The following CARD14 variants were observed in gnomAD, a reference collection of about 807,000 sequenced individuals.
CARD14 encodes the protein caspase recruitment domain family member 14, also known as caspase recruitment domain-containing protein 14.
CARD14 carries 107 observed loss-of-function variants against 111.5 expected under a neutral mutation model. The observed-to-expected ratio is 0.96, with a 90% confidence interval of 0.82 to 1.13. The LOEUF is 1.13. CARD14 is among the 50% of genes most tolerant of loss of function. CARD14 has a pLI of 0.00. For synonymous variants in CARD14, 617 were observed against 579.6 expected, an observed-to-expected ratio of 1.06 and a Z score of -0.93; for missense variants, 1,322 against 1,362.3, an observed-to-expected ratio of 0.97 and a Z score of 0.47.
Position 80,198,158 on chromosome 17 carries a change from G to A in CARD14, c.1654G>A (p.Glu552Lys). The change falls in exon 15 of 24, where the codon GAG becomes AAG. Residue 552 changes from glutamate to lysine, a missense_variant. Transcript: ENST00000648509. The surrounding 1 kb of genome is among the most constrained non-coding windows in gnomAD (Gnocchi z 7.5). The part of the protein sequence containing the change: ...PVSPGRLDVS[E>K]SGVLMRRRPA... Reference sequence around the variant, plus strand: ...CTCCCCTGGAAGGCTTGATGTCTCGGAGAGGTAAGCAGCAGGTGGGAATCC... The same window carrying A: ...CTCCCCTGGAAGGCTTGATGTCTCGAAGAGGTAAGCAGCAGGTGGGAATCC... 2 of 1,613,900 alleles carry A rather than the reference G, an allele frequency of 1.2e-6. No homozygotes were observed. Among genetic ancestry groups the A allele is most frequent in the Non-Finnish European group, 1.7e-6 (2 of 1,180,030 alleles).
chr17:80,184,076 C>A lies in CARD14; in HGVS notation c.513C>A (p.His171Gln). Reference protein sequence around the residue: ...GLAETRAEGLHQLEADHSRMK... With the variant: ...GLAETRAEGLQQLEADHSRMK... The stretch of plus-strand genomic sequence containing the variant: ...CCGAGACCCGTGCCGAGGGCCTGCA[C>A]CAGCTGGAGGCTGACCACAGCCGCA... Residue 171 changes from histidine to glutamine, a missense_variant, in exon 7 of 24, where the codon CAC (histidine) becomes CAA (glutamine). Transcript: ENST00000648509. 1 of 1,585,532 alleles carries A rather than the reference C, an allele frequency of 6.3e-7. No homozygotes were observed. The highest frequency in any genetic ancestry group is 8.6e-7 in the Non-Finnish European group (1 of 1,166,676).
chr17:80,186,557 T>C (rs2040350650), intron 7 of CARD14, among the ~76,000 whole-genome samples: 1 of 152,066 alleles, frequency 6.6e-6, no homozygotes, highest in Non-Finnish European at 1.5e-5. Context: ...TATTTTTTGG[T>C]TTGTTTTTTT....
At position 80,202,209 on chromosome 17, in the gene CARD14, G is replaced by A. The variant is rs1397539548; in HGVS notation, c.2008G>A (p.Ala670Thr). The A allele has an allele frequency of 6.2e-7, 1 of 1,613,828 alleles. No individual in the cohort carries two copies. Among genetic ancestry groups the A allele is most frequent in the Non-Finnish European group, 8.5e-7 (1 of 1,180,006 alleles). The change falls in exon 18 of 24, where the codon GCC (alanine) becomes ACC (threonine). Residue 670 changes from alanine (A) to threonine (T), a missense_variant. Physicochemically the swap from Ala to Thr is moderately conservative, Grantham distance 58 (BLOSUM62 0). Coordinates refer to ENST00000648509, the MANE Select transcript of CARD14 (RefSeq NM_001366385.1). ...TAAGAGGCTACTCCAGGACCTGGAG[G>A]CCAAAGTGGCGACCTCGGGGGACTC... Reference protein sequence around the residue: ...GYKRLLQDLEAKVATSGDSFY... With the variant: ...GYKRLLQDLETKVATSGDSFY...
Position 80,195,340 on chromosome 17 carries a change from C to T in CARD14, c.1499+7C>T. 6.2e-7 allele frequency: 1 copy of T among 1,604,186 alleles called. No individual in the cohort carries two copies. Among genetic ancestry groups the T allele is most frequent in the Non-Finnish European group, 8.5e-7 (1 of 1,173,126 alleles). ...AAGAACCCTGGTCTTTCAGGTAGAG[C>T]ACTGGGGTCCTTCCTGGCACTGGGG... On this transcript the variant is annotated splice_region_variant and intron_variant, in intron 13 of 23. Transcript: ENST00000648509. The surrounding 1 kb of genome is among the most constrained non-coding windows in gnomAD (Gnocchi z 4.7).
chr17:80,176,014 T>TGCTAG lies in CARD14; in HGVS notation c.-366-2488_-366-2484dup, dbSNP rs368949819. Among the ~76,000 whole-genome samples, 8 of 132,936 alleles carry TGCTAG rather than the reference T, an allele frequency of 6.0e-5. No homozygotes were observed. The South Asian group carries it at 8.3e-4, about 14-fold the overall frequency. The allele number at this position is 132,936 out of a possible 152,430, so 87.2% of individuals were successfully genotyped here. ...TTTTAAAAACGGGATCGTGCTATGT[T>TGCTAG]GCTAGGCTAGTCTTGAACTCCTGGG... is the stretch of plus-strand genomic sequence containing the variant. On this transcript the variant is annotated intron_variant, in intron 2 of 23. Coordinates refer to ENST00000648509, the MANE Select transcript of CARD14 (RefSeq NM_001366385.1).
rs577104396 is a variant in CARD14 at position 80,189,809 on chromosome 17, G to C, written c.900G>C (p.Glu300Asp). The stretch of plus-strand genomic sequence containing the variant: ...ACGAGGCGCGGGGGAGCCGACAGGA[G>C]CTGGTGGAGCGCATCCACTCGCTGC... ...SLDEARGSRQ[E>D]LVERIHSLRE... Residue 300 changes from glutamate to aspartate, a missense_variant, in exon 9 of 24, where the codon GAG (glutamate) becomes GAC (aspartate). Physicochemically the swap from Glu to Asp is conservative, Grantham distance 45. Transcript: ENST00000648509. This position sits in a 1 kb window ranked among gnomAD's most constrained non-coding sequence, Gnocchi z 4.7. 1.3e-6 allele frequency: 2 copies of C among 1,584,194 alleles called. No individual in the cohort carries two copies. Among genetic ancestry groups the C allele is most frequent in the African/African-American group, 2.8e-5 (2 of 72,366 alleles).
Position 80,198,626 on chromosome 17 carries a change from T to A in CARD14, c.1851+35T>A. The A allele has an allele frequency of 1.9e-6, 3 of 1,610,304 alleles. No homozygotes were observed. The highest frequency in any genetic ancestry group is 2.5e-6 in the Non-Finnish European group (3 of 1,179,442). On this transcript the variant is annotated intron_variant, in intron 16 of 23. Transcript: ENST00000648509. This position sits in a 1 kb window ranked among gnomAD's most constrained non-coding sequence, Gnocchi z 7.5. ...GCGAGGCCCCTCCTGTCCCCCGGGC[T>A]CCTCATGGGGACAGTGGCAGCGGGT...
At chr17:80,193,108 A>C (rs1295271236) in intron 12 of CARD14, among the ~76,000 whole-genome samples, 1 of 152,222 alleles carries the variant, frequency 6.6e-6, no homozygotes, top group African/African-American at 2.4e-5. Flanking sequence ...GAGCCCAGAC[A>C]TCCAAAGTCA....
chr17:80,182,711 G>A lies in CARD14; in HGVS notation c.270G>A (p.Glu90=). 9 of 1,614,074 alleles carry A rather than the reference G, an allele frequency of 5.6e-6. No individual in the cohort carries two copies. The highest frequency in any genetic ancestry group is 7.6e-6 in the Non-Finnish European group (9 of 1,180,006). ...RGKNGAIAFL[E]SLKFHNPDVY... is the part of the protein sequence containing the mutation. Reference sequence around the variant, plus strand: ...AGAACGGGGCCATCGCCTTCCTGGAGAGCCTGAAGTTCCACAACCCTGACG... The same window carrying A: ...AGAACGGGGCCATCGCCTTCCTGGAAAGCCTGAAGTTCCACAACCCTGACG... The change falls in exon 6 of 24, where the codon GAG becomes GAA. Residue 90 remains glutamate, a synonymous_variant. Transcript: ENST00000648509. The surrounding 1 kb of genome is among the most constrained non-coding windows in gnomAD (Gnocchi z 4.7).
At chr17:80,205,909 C>T (rs1398650144) in intron 22 of CARD14, 6 of 385,340 alleles carry the variant, frequency 1.6e-5, no homozygotes, top group Non-Finnish European at 2.3e-5. Flanking sequence ...GATATTTGTT[C>T]GAGAATGAAT....
intron 2 of CARD14, among the ~76,000 whole-genome samples, chr17:80,174,124 G>T (rs902830915): frequency 6.6e-6 from 1 of 152,094 alleles, no homozygotes; most frequent in Non-Finnish European, 1.5e-5. Context: ...GAGTGCTTGA[G>T]CCCAGGAGTT....
In CARD14 at chr17:80,202,008, TC is replaced by T. The variant is rs11356264; in HGVS notation, c.1978+142del. The T allele has an allele frequency of 0.062, 79,863 of 1,296,354 alleles. 2,842 individuals carry two copies. The highest frequency in any genetic ancestry group is 0.11 in the African/African-American group (7,342 of 67,536). The allele number at this position is 1,296,354 out of a possible 1,614,324, so 80.3% of individuals were successfully genotyped here. On this transcript the variant is annotated intron_variant, in intron 17 of 23. Transcript: ENST00000648509. ...AGGATCAGCCAGGCTGTGCCCCAGG[TC>T]CCCAGGAGGCCCCCAAGCCAGCTGG... is the stretch of plus-strand genomic sequence containing the variant.
Position 80,203,808 on chromosome 17 carries a change from G to A in CARD14, c.2220-14G>A. On this transcript the variant is annotated splice_polypyrimidine_tract_variant and intron_variant, in intron 18 of 23. Coordinates refer to ENST00000648509, the MANE Select transcript of CARD14 (RefSeq NM_001366385.1). The surrounding 1 kb of genome is among the most constrained non-coding windows in gnomAD (Gnocchi z 4.6). ...AGGAGGCAGCTGGGTCAGGGCCTCT[G>A]CTGGTCTCTGCAGGGCTCAGCAGCA... 1 of 1,562,030 alleles carries A rather than the reference G, an allele frequency of 6.4e-7. No homozygotes were observed. The highest frequency in any genetic ancestry group is 8.7e-7 in the Non-Finnish European group (1 of 1,152,802).
chr17:80,184,110 G>C lies in CARD14; in HGVS notation c.547G>C (p.Glu183Gln). ...GGCTGACCACAGCCGCATGAAGCGT[G>C]AGGTTAGCGCACACTTCCATGAGGT... ...LEADHSRMKR[E>Q]VSAHFHEVLR... The change falls in exon 7 of 24, where the codon GAG becomes CAG. Residue 183 changes from glutamate (E) to glutamine (Q), a missense_variant. Glu to Gln is a conservative substitution (Grantham distance 29, BLOSUM62 2). Coordinates refer to ENST00000648509, the MANE Select transcript of CARD14 (RefSeq NM_001366385.1). 1 of 1,578,248 alleles carries C rather than the reference G, an allele frequency of 6.3e-7. No individual in the cohort carries two copies. The highest frequency in any genetic ancestry group is 8.6e-7 in the Non-Finnish European group (1 of 1,162,582).
At chr17:80,190,108 GGC>G (rs1213633354) in intron 9 of CARD14, among the ~76,000 whole-genome samples, 1 of 152,166 alleles carries the variant, frequency 6.6e-6, no homozygotes, top group Non-Finnish European at 1.5e-5. Flanking sequence ...GGGATTTCAG[GGC>G]CCAGGCCCCG....
chr17:80,205,550 G>GT lies in CARD14; in HGVS notation c.2590dup (p.Tyr864LeufsTer2). The GT allele has an allele frequency of 1.3e-6, 2 of 1,585,774 alleles. No homozygotes were observed. Among genetic ancestry groups the GT allele is most frequent in the Non-Finnish European group, 1.7e-6 (2 of 1,165,456 alleles). On this transcript the variant is annotated frameshift_variant, in exon 22 of 24. Coordinates refer to ENST00000648509, the MANE Select transcript of CARD14 (RefSeq NM_001366385.1). LOFTEE classifies it high-confidence loss of function. Reference sequence around the variant, plus strand: ...CTGTAGAGTACTTGAGCCAGGAGGAGTATGAGGCCTGGAGCCAGAGAGGGG... The same window carrying GT: ...CTGTAGAGTACTTGAGCCAGGAGGAGTTATGAGGCCTGGAGCCAGAGAGGGG...
rs371910172 is a variant in CARD14, at chr17:80,198,568, C to T, written c.1828C>T (p.Arg610Cys). ...CTCGGCGGCGGACCAGATGGCCTTGCGCCCGGGCACCCAGATTGTGATGGT... is the reference window on the plus strand; with the variant it reads ...CTCGGCGGCGGACCAGATGGCCTTGTGCCCGGGCACCCAGATTGTGATGGT... ...PGSAADQMAL[R>C]PGTQIVMVDY... Residue 610 changes from arginine to cysteine, a missense_variant, in exon 16 of 24, where the codon CGC becomes TGC. Physicochemically the swap from Arg to Cys is radical, Grantham distance 180. Transcript: ENST00000648509. This position sits in a 1 kb window ranked among gnomAD's most constrained non-coding sequence, Gnocchi z 7.5. 3.8e-5 allele frequency: 62 copies of T among 1,612,406 alleles called. No individual in the cohort carries two copies. The highest frequency in any genetic ancestry group is 1.6e-4 in the Middle Eastern group (1 of 6,078).
At chr17:80,175,950 T>G (rs2040013765) in intron 2 of CARD14, among the ~76,000 whole-genome samples, 1 of 117,360 alleles carries the variant, frequency 8.5e-6, no homozygotes, top group African/African-American at 3.2e-5. Flanking sequence ...TGCTCTCGGA[T>G]CGTTTTTTTT....
rs756564250 is a variant in CARD14, at chr17:80,188,348, G to A, written c.676-29G>A. 1.0e-5 allele frequency: 16 copies of A among 1,598,636 alleles called. No individual in the cohort carries two copies. The highest frequency in any genetic ancestry group is 1.7e-4 in the Middle Eastern group (1 of 6,042). ...GATCAGGGGAGAAGCTGTTTCCATC[G>A]CCCTTCCTGTCGCCTCCCCACCGCA... is the stretch of plus-strand genomic sequence containing the variant. On this transcript the variant is annotated intron_variant, in intron 7 of 23. Transcript: ENST00000648509. The surrounding 1 kb of genome is among the most constrained non-coding windows in gnomAD (Gnocchi z 4.5).
Sources: gnomAD v4.1 joint callset for allele counts (sites outside exome capture counted in the v4.1 genomes callset) on GRCh38, gnomAD v4.1.1 for gene constraint, Gnocchi (gnomAD v3.1) non-coding constraint, MANE v1.5 for transcripts, NCBI Gene and HGNC (gene_info 2026-07-23, HGNC 2026-07-21) for gene names.